The following FMNL3 variants were observed in gnomAD, a reference collection of about 807,000 sequenced individuals.
FMNL3 encodes the protein formin like 3.
Under a neutral mutation model 119.6 loss-of-function variants are expected in FMNL3, and 57 were observed. The observed-to-expected ratio is 0.48, with a 90% CI of 0.39 to 0.59. The LOEUF (loss-of-function observed/expected upper bound fraction) is 0.59, where lower values mean the gene tolerates loss of function less well. Ranked by LOEUF, FMNL3 falls within the 20% of genes least tolerant of loss-of-function variation. The pLI is 0.00. For missense variants in FMNL3, 1,053 were observed against 1,323.5 expected, an observed-to-expected ratio of 0.80 and a Z score of 3.17; for synonymous variants, 491 against 507.3, an observed-to-expected ratio of 0.97 and a Z score of 0.43.
chr12:49,646,643 C>T (rs1243654172), intron 25 of FMNL3: 11 of 1,524,522 alleles, frequency 7.2e-6, no homozygotes, highest in African/African-American at 1.4e-5. Context: ...CAGTACCTGT[C>T]GGGCCCCAAC....
At chr12:49,669,588 T>C (rs1160352914) in intron 1 of FMNL3, among the ~76,000 whole-genome samples, 1 of 152,168 alleles carries the variant, frequency 6.6e-6, no homozygotes, top group Non-Finnish European at 1.5e-5. Context: ...TCCCAGCACT[T>C]TGGGAGGCCG....
rs766807655 is a variant in FMNL3, at chr12:49,636,710, C to T, written c.*9105G>A. The T allele has an allele frequency of 4.3e-6, 7 of 1,613,918 alleles. No individual in the cohort carries two copies. Among genetic ancestry groups the T allele is most frequent in the Non-Finnish European group, 5.9e-6 (7 of 1,179,926 alleles). ...AATGCCCGCGGAACCTCCTGCCTGT[C>T]TTTAGACATGGACAAGGAAGATGCA... On this transcript the variant is annotated 3_prime_UTR_variant, in exon 26 of 26. Coordinates refer to ENST00000335154, the MANE Select transcript of FMNL3 (RefSeq NM_175736.5).
In FMNL3 at chr12:49,642,987, C is replaced by T. The variant is rs1454294610; in HGVS notation, c.*2828G>A. 1.2e-6 allele frequency: 2 copies of T among 1,613,864 alleles called. No individual in the cohort carries two copies. Among genetic ancestry groups the T allele is most frequent in the South Asian group, 1.1e-5 (1 of 91,008 alleles). ...AAAGCATGGCAGGAAAGGCAAGAAG[C>T]ACCATCACAAGCGTTCCCACTCACC... is the stretch of plus-strand genomic sequence containing the variant. On this transcript the variant is annotated 3_prime_UTR_variant, in exon 26 of 26. Transcript: ENST00000335154. The surrounding 1 kb of genome is among the most constrained non-coding windows in gnomAD (Gnocchi z 5.8).
chr12:49,686,130 C>A (rs1022865183), intron 1 of FMNL3, among the ~76,000 whole-genome samples: 53 of 151,974 alleles, frequency 3.5e-4, no homozygotes, highest in African/African-American at 1.2e-3. Context: ...GGGTTTGAGA[C>A]AGGGTCTCAC....
Position 49,650,894 on chromosome 12 carries a change from G to A in FMNL3, c.1798-16C>T, listed in dbSNP as rs769144335. ...GATCCAGGTCCTGGCAGGAATAGGT[G>A]AGCAAGGAAAACGCTGTAGCCTCAT... On this transcript the variant is annotated splice_polypyrimidine_tract_variant and intron_variant, in intron 16 of 25. Transcript: ENST00000335154. The A allele has an allele frequency of 1.2e-6, 2 of 1,613,846 alleles. No homozygotes were observed. Among genetic ancestry groups the A allele is most frequent in the Non-Finnish European group, 1.7e-6 (2 of 1,179,898 alleles).
At chr12:49,646,164 G>T (rs1040229197) in intron 25 of FMNL3, among the ~76,000 whole-genome samples, 1 of 152,180 alleles carries the variant, frequency 6.6e-6, no homozygotes, top group Non-Finnish European at 1.5e-5. Flanking sequence ...CATTCAGAAA[G>T]AGCCAGAAAC....
chr12:49,696,578 A>G (rs1407015910), intron 1 of FMNL3, among the ~76,000 whole-genome samples: 1 of 152,256 alleles, frequency 6.6e-6, no homozygotes, highest in Admixed American at 6.5e-5. Flanking sequence ...CAAATATTTT[A>G]TATCTGAAGT....
rs756733866 is a variant in FMNL3, at chr12:49,643,766, C to G, written c.*2049G>C. 6.2e-7 allele frequency: 1 copy of G among 1,613,880 alleles called. No individual in the cohort carries two copies. The stretch of plus-strand genomic sequence containing the variant: ...AGACACAAGTCGGTGAGTGAAGGAA[C>G]TTCTACCTAAGCCCCTGCTATTTTG... On this transcript the variant is annotated 3_prime_UTR_variant, in exon 26 of 26. Coordinates refer to ENST00000335154, the MANE Select transcript of FMNL3 (RefSeq NM_175736.5).
chr12:49,657,478 T>A (rs1943607289), intron 6 of FMNL3, among the ~76,000 whole-genome samples: 1 of 152,100 alleles, frequency 6.6e-6, no homozygotes, highest in African/African-American at 2.4e-5. Context: ...GTGTAGGCCT[T>A]CCTAGTCCCT....
At position 49,707,207 on chromosome 12, in the gene FMNL3, G is replaced by C; in HGVS notation, c.-27C>G. 1 of 1,488,720 alleles carries C rather than the reference G, an allele frequency of 6.7e-7. No individual in the cohort carries two copies. Among genetic ancestry groups the C allele is most frequent in the Non-Finnish European group, 8.9e-7 (1 of 1,125,324 alleles). 92.2% of individuals were successfully genotyped at this position (1,488,720 alleles called of 1,614,324 possible). On this transcript the variant is annotated 5_prime_UTR_variant, in exon 1 of 26. Transcript: ENST00000335154. ...GCGGCGGGGCCCCCTCAGGGGCCTCGGCCCCCCACCTCCACGCTCCGGAGC... is the reference window on the plus strand; with the variant it reads ...GCGGCGGGGCCCCCTCAGGGGCCTCCGCCCCCCACCTCCACGCTCCGGAGC...
chr12:49,655,830 T>C (rs925754739), intron 9 of FMNL3, among the ~76,000 whole-genome samples: 2 of 152,146 alleles, frequency 1.3e-5, no homozygotes, highest in Admixed American at 1.3e-4. Context: ...CCACCAGCTG[T>C]GGCTGGATGT....
intron 1 of FMNL3, among the ~76,000 whole-genome samples, chr12:49,671,910 G>A (rs1034287014): frequency 1.3e-5 from 2 of 152,178 alleles, no homozygotes; most frequent in Admixed American, 6.5e-5. Flanking sequence ...TGAAGTCAGA[G>A]GGCCCAAGAT....
At chr12:49,655,108 A>G in intron 9 of FMNL3, 124 bp from the exon 10 acceptor site, 14 of 830,058 alleles carry the variant, frequency 1.7e-5, no homozygotes, top group Non-Finnish European at 2.7e-5. Flanking sequence ...ACAGCTCTAT[A>G]TATGAAATAG....
chr12:49,670,757 TTCTC>T (rs968116144), intron 1 of FMNL3, among the ~76,000 whole-genome samples: 18 of 152,310 alleles, frequency 1.2e-4, no homozygotes, highest in African/African-American at 4.1e-4. Context: ...GCCTGGAATG[TTCTC>T]TCTGAAACTA....
rs1348635014 is a variant in FMNL3 at position 49,649,814 on chromosome 12, C to T, written c.2112G>A (p.Leu704=). The part of the protein sequence containing the change: ...LRQYERERQP[L]EELAAEDRFM... ...AGCGGTCCTCAGCTGCCAACTCCTC[C>T]AGGGGCTGCCGCTCCCGCTCATATT... The change falls in exon 18 of 26, where the codon CTG becomes CTA. Residue 704 remains leucine (L), a synonymous_variant. Transcript: ENST00000335154. This position sits in a 1 kb window ranked among gnomAD's most constrained non-coding sequence, Gnocchi z 5.6. 1 of 1,614,184 alleles carries T rather than the reference C, an allele frequency of 6.2e-7. No homozygotes were observed. Among genetic ancestry groups the T allele is most frequent in the Non-Finnish European group, 8.5e-7 (1 of 1,180,034 alleles).
intron 1 of FMNL3, 42 bp from the exon 2 acceptor site, chr12:49,668,596 C>T (rs1943954815): frequency 3.8e-6 from 6 of 1,580,540 alleles, no homozygotes; most frequent in Non-Finnish European, 5.2e-6. Context: ...AACCTCCCCT[C>T]ATCTGGAAAA....
Position 49,647,014 on chromosome 12 carries a change from G to A in FMNL3, c.2872-5C>T, listed in dbSNP as rs759617951. The A allele has an allele frequency of 2.5e-6, 4 of 1,595,254 alleles. No homozygotes were observed. Among genetic ancestry groups the A allele is most frequent in the African/African-American group, 1.7e-5 (1 of 59,744 alleles). On this transcript the variant is annotated splice_region_variant and splice_polypyrimidine_tract_variant and intron_variant, in intron 24 of 25. Transcript: ENST00000335154. The surrounding 1 kb of genome is among the most constrained non-coding windows in gnomAD (Gnocchi z 4.9). ...CTTGTTCCGCTGGGATGGGGTCTAGGGCCAAGAATGTGGAGGGGAAGGAAG... is the reference window on the plus strand; with the variant it reads ...CTTGTTCCGCTGGGATGGGGTCTAGAGCCAAGAATGTGGAGGGGAAGGAAG...
At chr12:49,659,231 G>C (rs1943664608) in intron 5 of FMNL3, among the ~76,000 whole-genome samples, 1 of 152,152 alleles carries the variant, frequency 6.6e-6, no homozygotes, top group Non-Finnish European at 1.5e-5. Context: ...TATGGTTCTG[G>C]CTACTTGAGG....
chr12:49,673,963 A>G (rs1332962090), intron 1 of FMNL3, among the ~76,000 whole-genome samples: 1 of 152,266 alleles, frequency 6.6e-6, no homozygotes, highest in East Asian at 1.9e-4. Flanking sequence ...AGGTCCAGAC[A>G]TGGGAAGTAC....
Sources: allele counts gnomAD v4.1 joint callset (sites outside exome capture counted in the v4.1 genomes callset), GRCh38; gene constraint gnomAD v4.1.1; non-coding constraint Gnocchi (gnomAD v3.1); transcripts MANE v1.5; gene names NCBI Gene and HGNC (gene_info 2026-07-23, HGNC 2026-07-21).